ATRNL1: variants seen among roughly 807,000 people sequenced by gnomAD.
ATRNL1 encodes attractin-like protein 1.
A neutral mutation model predicts 182.7 loss-of-function variants in ATRNL1; 95 were observed. The observed-to-expected ratio is 0.52, with a 90% CI of 0.44 to 0.62. The LOEUF is 0.62. Ranked by LOEUF, ATRNL1 falls within the 20% of genes least tolerant of loss-of-function variation. The pLI is 0.00. For missense variants in ATRNL1, 1,471 were observed against 1,679.5 expected, an observed-to-expected ratio of 0.88 and a Z score of 2.17; for synonymous variants, 576 against 568.3, an observed-to-expected ratio of 1.01 and a Z score of -0.19.
At chr10:115,496,275 T>G (rs568435548) in intron 24 of ATRNL1, among the ~76,000 whole-genome samples, 6 of 152,310 alleles carry the variant, frequency 3.9e-5, no homozygotes, top group Admixed American at 3.9e-4. Context: ...GCAGTTTCTT[T>G]ATAGTTTCAG....
At chr10:115,735,111 G>T (rs910525629) in intron 27 of ATRNL1, among the ~76,000 whole-genome samples, 27 of 152,056 alleles carry the variant, frequency 1.8e-4, no homozygotes, top group African/African-American at 6.5e-4. Flanking sequence ...CTTACATATT[G>T]TGTATTTTCT....
chr10:115,832,149 C>A (rs920467583), intron 27 of ATRNL1, among the ~76,000 whole-genome samples: 26 of 152,098 alleles, frequency 1.7e-4, no homozygotes, highest in African/African-American at 6.3e-4. Flanking sequence ...TGCTTTGAAA[C>A]CTGTTTAGTT....
intron 26 of ATRNL1, among the ~76,000 whole-genome samples, chr10:115,726,276 AT>A (rs1204023120): frequency 6.6e-6 from 1 of 152,214 alleles, no homozygotes; most frequent in African/African-American, 2.4e-5. Context: ...ATCTTTAAAA[AT>A]ATCTGTGAAT....
chr10:115,873,935 A>C (rs1951641492), intron 28 of ATRNL1, among the ~76,000 whole-genome samples: 2 of 152,334 alleles, frequency 1.3e-5, no homozygotes, highest in South Asian at 2.1e-4. Context: ...AGATGCAAAT[A>C]ACTGCTGGAA....
At chr10:115,562,683 T>C (rs1310995313) in intron 26 of ATRNL1, among the ~76,000 whole-genome samples, 1 of 152,138 alleles carries the variant, frequency 6.6e-6, no homozygotes, top group African/African-American at 2.4e-5. Flanking sequence ...GATTCCCCCT[T>C]CACTGGGCAC....
intron 8 of ATRNL1, among the ~76,000 whole-genome samples, chr10:115,174,955 G>A (rs781967243): frequency 3.3e-5 from 5 of 151,772 alleles, no homozygotes; most frequent in Non-Finnish European, 5.9e-5. Flanking sequence ...TAGTTGTTTC[G>A]TATATGTGGA....
intron 25 of ATRNL1, among the ~76,000 whole-genome samples, chr10:115,548,704 T>C (rs1852803352): frequency 6.6e-6 from 1 of 152,198 alleles, no homozygotes; most frequent in African/African-American, 2.4e-5. Context: ...GTACCTAATA[T>C]ATTAGACCAC....
At chr10:115,264,136 C>T (rs572370941) in intron 10 of ATRNL1, among the ~76,000 whole-genome samples, 14 of 150,954 alleles carry the variant, frequency 9.3e-5, no homozygotes, top group African/African-American at 1.9e-4. Context: ...ACAACGTGCA[C>T]GTTTGTTACG....
intron 26 of ATRNL1, among the ~76,000 whole-genome samples, chr10:115,682,337 G>A (rs1408826720): frequency 3.3e-5 from 5 of 152,032 alleles, no homozygotes; most frequent in Non-Finnish European, 7.4e-5. Context: ...TCAGGGGTTC[G>A]AAACCAGCCT....
chr10:115,592,624 A>T (rs1167835792), intron 26 of ATRNL1, among the ~76,000 whole-genome samples: 1 of 152,144 alleles, frequency 6.6e-6, no homozygotes, highest in Non-Finnish European at 1.5e-5. Context: ...AACTCATATA[A>T]TATGTGGTCC....
chr10:115,538,905 C>G (rs1852195608), intron 25 of ATRNL1, among the ~76,000 whole-genome samples: 2 of 152,102 alleles, frequency 1.3e-5, no homozygotes, highest in Admixed American at 1.3e-4. Context: ...TGTACCTTTT[C>G]TATGTTTAGA....
chr10:115,792,410 A>T (rs1949550557), intron 27 of ATRNL1, among the ~76,000 whole-genome samples: 1 of 152,114 alleles, frequency 6.6e-6, no homozygotes, highest in South Asian at 2.1e-4. Flanking sequence ...GGCCCCTGAA[A>T]TGAATTCTTA....
At chr10:115,216,148 A>G (rs1364444868) in intron 9 of ATRNL1, among the ~76,000 whole-genome samples, 1 of 152,206 alleles carries the variant, frequency 6.6e-6, no homozygotes, top group Non-Finnish European at 1.5e-5. Context: ...CTTCCTGTGA[A>G]ATACAGAGCT....
chr10:115,254,675 C>A (rs1851039105), intron 10 of ATRNL1, among the ~76,000 whole-genome samples: 1 of 152,082 alleles, frequency 6.6e-6, no homozygotes, highest in Admixed American at 6.6e-5. Context: ...CTTTTGTTGC[C>A]ATTGCTTTGG....
chr10:115,641,500 T>C (rs1434797296), intron 26 of ATRNL1, among the ~76,000 whole-genome samples: 5 of 152,192 alleles, frequency 3.3e-5, no homozygotes, highest in African/African-American at 1.2e-4. Context: ...TTTGTAGATA[T>C]GGTTCTTAGT....
At chr10:115,222,496 C>T (rs1849507036) in intron 9 of ATRNL1, among the ~76,000 whole-genome samples, 1 of 152,052 alleles carries the variant, frequency 6.6e-6, no homozygotes, top group African/African-American at 2.4e-5. Flanking sequence ...TACAAAGAAA[C>T]TCAGAAATAT....
At chr10:115,824,794 T>C (rs1469532919) in intron 27 of ATRNL1, among the ~76,000 whole-genome samples, 4 of 152,180 alleles carry the variant, frequency 2.6e-5, no homozygotes, top group Non-Finnish European at 4.4e-5. Context: ...ATAGGAGCGC[T>C]TGTACACTGT....
chr10:115,452,210 C>G (rs953090829), intron 21 of ATRNL1, among the ~76,000 whole-genome samples: 1 of 152,054 alleles, frequency 6.6e-6, no homozygotes, highest in African/African-American at 2.4e-5. Context: ...CTAAGTTTAC[C>G]TATGTAATAA....
chr10:115,557,244 A>G (rs1853365670), intron 26 of ATRNL1, among the ~76,000 whole-genome samples: 1 of 152,178 alleles, frequency 6.6e-6, no homozygotes, highest in South Asian at 2.1e-4. Flanking sequence ...TCTATCGAAG[A>G]GGCAGGAGTT....
Sources: gnomAD v4.1 joint callset for allele counts (sites outside exome capture counted in the v4.1 genomes callset) on GRCh38, gnomAD v4.1.1 for gene constraint, MANE v1.5 for transcripts, NCBI Gene and HGNC (gene_info 2026-07-23, HGNC 2026-07-21) for gene names.